NEB: variants seen among roughly 807,000 people sequenced by gnomAD.
NEB encodes the protein nemaline myopathy type 2.
NEB carries 512 observed loss-of-function variants against 952.2 expected under a neutral mutation model. That is an observed-to-expected ratio of 0.54 (90% CI 0.50 to 0.58). The LOEUF is 0.58. Ranked by LOEUF, NEB falls within the 20% of genes least tolerant of loss-of-function variation. NEB has a pLI of 0.00. For synonymous variants in NEB, 2,900 were observed against 3,149.8 expected (o/e 0.92, Z 2.66); for missense variants, 8,428 against 9,231.1 (o/e 0.91, Z 3.56).
At chr2:151,617,840 T>A (rs1255545025) in intron 74 of NEB, among the ~76,000 whole-genome samples, 2 of 151,892 alleles carry the variant, frequency 1.3e-5, no homozygotes, top group African/African-American at 4.8e-5. Context: ...GATGGGTGGA[T>A]CACCTGAGCT....
chr2:151,508,524 G>C (rs539015767), intron 161 of NEB, among the ~76,000 whole-genome samples: 1 of 152,148 alleles, frequency 6.6e-6, no homozygotes, highest in Non-Finnish European at 1.5e-5. Context: ...GGAGGGTTAA[G>C]AGTCAAAGAC....
chr2:151,690,965 C>A, intron 23 of NEB, 140 bp from the exon 24 acceptor site: 1 of 650,640 alleles, frequency 1.5e-6, no homozygotes, highest in African/African-American at 1.8e-5. Context: ...TCTCACTTCT[C>A]TGTCTGTCTC....
rs778724203 is a variant in NEB, at chr2:151,526,036, C to T, written c.22083G>A (p.Leu7361=). ...GTAGTGTTGTGTATGAGCCCTGTGC[C>T]AAGTGCTTCTTGACATGGTCCTTGT... ...NKYKDHVKKH[L]AQGSYTTLPE... The change falls in exon 150 of 182, where the codon TTG becomes TTA. Residue 7361 remains leucine, a synonymous_variant. Transcript: ENST00000397345. 3.7e-6 allele frequency: 6 copies of T among 1,613,986 alleles called. No homozygotes were observed. In the South Asian group the frequency reaches 5.5e-5, roughly 15 times the overall value.
chr2:151,696,811 G>A, intron 16 of NEB, 76 bp from the exon 17 acceptor site: 1 of 1,014,038 alleles, frequency 9.9e-7, no homozygotes. Flanking sequence ...CAAGCAAATA[G>A]AACCTCATGC....
At chr2:151,583,815 T>G in intron 100 of NEB, 49 bp from the exon 101 acceptor site, 1 of 414,976 alleles carries the variant, frequency 2.4e-6, no homozygotes, top group Non-Finnish European at 4.1e-6. Context: ...AATAATGTAT[T>G]AAGAGGGGTT....
Position 151,725,516 on chromosome 2 carries a change from G to A in NEB, c.339C>T (p.Tyr113=), listed in dbSNP as rs546510007. The part of the protein sequence containing the change: ...EKFEKTKGQP[Y]ASTTDTPELR... Reference sequence around the variant, plus strand: ...GTTCTGGAGTATCTGTTGTGCTGGCGTATGGCTGTCCTTTTGTTTTCTCAA... The same window carrying A: ...GTTCTGGAGTATCTGTTGTGCTGGCATATGGCTGTCCTTTTGTTTTCTCAA... Residue 113 remains tyrosine, a synonymous_variant, in exon 6 of 182, where the codon TAC becomes TAT. Coordinates refer to ENST00000397345, the MANE Select transcript of NEB (RefSeq NM_001164508.2). 34 of 1,613,478 alleles carry A rather than the reference G, an allele frequency of 2.1e-5. 1 individual carries two copies. Among genetic ancestry groups the A allele is most frequent in the African/African-American group, 1.5e-4 (11 of 74,942 alleles).
chr2:151,698,317 T>C (rs1229463909), intron 13 of NEB, among the ~76,000 whole-genome samples: 1 of 152,112 alleles, frequency 6.6e-6, no homozygotes, highest in Non-Finnish European at 1.5e-5. Flanking sequence ...TACAGAGTTG[T>C]GCAACTGTCA....
chr2:151,615,628 A>G (rs563277006), intron 76 of NEB, among the ~76,000 whole-genome samples: 27 of 152,318 alleles, frequency 1.8e-4, no homozygotes, highest in Non-Finnish European at 2.9e-4. Flanking sequence ...TGTTTCTCAC[A>G]TATTATTTAA....
intron 54 of NEB, among the ~76,000 whole-genome samples, chr2:151,647,040 G>A (rs936387109): frequency 6.6e-6 from 1 of 151,992 alleles, no homozygotes; most frequent in Non-Finnish European, 1.5e-5. Context: ...GGATGTCCCA[G>A]AGCCATCCTT....
chr2:151,503,483 G>A (rs745308961), intron 165 of NEB, 42 bp from the exon 166 acceptor site: 62 of 1,389,692 alleles, frequency 4.5e-5, no homozygotes, highest in Admixed American at 5.1e-5. Context: ...TAAAATGACC[G>A]TAAATCCTTT....
At chr2:151,498,100 C>T (rs1298731296) in intron 170 of NEB, 160 bp downstream of exon 170, 1 of 1,478,546 alleles carries the variant, frequency 6.8e-7, no homozygotes, top group Non-Finnish European at 9.0e-7. Context: ...AAAAAATTGA[C>T]ATTAACTGTA....
At chr2:151,569,181 C>A (rs2096541287) in intron 110 of NEB, 87 bp downstream of exon 110, 4 of 1,071,026 alleles carry the variant, frequency 3.7e-6, no homozygotes, top group African/African-American at 1.6e-5. Flanking sequence ...GTTAAGATTG[C>A]TGATATTAGA....
rs2099171936 is a variant in NEB, at chr2:151,663,718, A to G, written c.5593T>C (p.Ser1865Pro). 6.2e-7 allele frequency: 1 copy of G among 1,613,606 alleles called. No homozygotes were observed. The highest frequency in any genetic ancestry group is 1.7e-5 in the Admixed American group (1 of 59,956). ...ACCGGGGTGTGGAAGGAGGTCTTGGATTTCTCATATCCCTTCTTGTATTCC... is the reference window on the plus strand; with the variant it reads ...ACCGGGGTGTGGAAGGAGGTCTTGGGTTTCTCATATCCCTTCTTGTATTCC... Reference protein sequence around the residue: ...DREYKKGYEKSKTSFHTPVDM... With the variant: ...DREYKKGYEKPKTSFHTPVDM... Residue 1865 changes from serine to proline, a missense_variant, in exon 45 of 182, where the codon TCC (serine) becomes CCC (proline). Transcript: ENST00000397345.
Position 151,687,474 on chromosome 2 carries a change from A to G in NEB, c.2582T>C (p.Ile861Thr). 7 of 1,613,996 alleles carry G rather than the reference A, an allele frequency of 4.3e-6. No homozygotes were observed. The highest frequency in any genetic ancestry group is 5.1e-6 in the Non-Finnish European group (6 of 1,179,868). ...GTGCAGCATCTTTGGATCGTCATTAATGCTGAGGGCTCCAATCATTTTCCC... is the reference window on the plus strand; with the variant it reads ...GTGCAGCATCTTTGGATCGTCATTAGTGCTGAGGGCTCCAATCATTTTCCC... ...SKGKMIGALSINDDPKMLHSL... is the reference protein window; with the variant it reads ...SKGKMIGALSTNDDPKMLHSL... The change falls in exon 27 of 182, where the codon ATT (isoleucine) becomes ACT (threonine). Residue 861 changes from isoleucine (I) to threonine (T), a missense_variant. Transcript: ENST00000397345.
At chr2:151,515,219 G>A (rs10182296) in intron 157 of NEB, among the ~76,000 whole-genome samples, 92,971 of 152,032 alleles carry the variant, frequency 0.61, 28,829 homozygotes, top group East Asian at 0.77. Flanking sequence ...TGCACCATCA[G>A]GACTCTGAAT....
At chr2:151,513,241 T>A (rs569807131) in intron 160 of NEB, among the ~76,000 whole-genome samples, 2 of 152,160 alleles carry the variant, frequency 1.3e-5, no homozygotes, top group African/African-American at 4.8e-5. Context: ...TCCCAAGATA[T>A]TCTAAGCAAG....
At position 151,646,113 on chromosome 2, in the gene NEB, T is replaced by C; in HGVS notation, c.7536+17A>G. 1 of 1,533,152 alleles carries C rather than the reference T, an allele frequency of 6.5e-7. No homozygotes were observed. Among genetic ancestry groups the C allele is most frequent in the Non-Finnish European group, 8.9e-7 (1 of 1,126,928 alleles). 95.0% of individuals were successfully genotyped at this position (1,533,152 alleles called of 1,614,324 possible). A position where few individuals can be genotyped will look rare whatever the true frequency, so the allele number is the denominator to read the frequency against. On this transcript the variant is annotated intron_variant, in intron 55 of 181. Transcript: ENST00000397345. ...AAATGAGCTTTCTGAAAACACATGC[T>C]GAATTTGAAAACTTACATCACTTGT...
chr2:151,490,865 C>T (rs1454706468), intron 179 of NEB, among the ~76,000 whole-genome samples: 1 of 152,152 alleles, frequency 6.6e-6, no homozygotes, highest in African/African-American at 2.4e-5. Flanking sequence ...TTAACTTCTC[C>T]AGAAAGTCCT....
rs1384813528 is a variant in NEB at position 151,540,748 on chromosome 2, G to A, written c.20736C>T (p.Asn6912=). 1.2e-6 allele frequency: 2 copies of A among 1,613,524 alleles called. No individual in the cohort carries two copies. Among genetic ancestry groups the A allele is most frequent in the African/African-American group, 2.7e-5 (2 of 74,878 alleles). ...TKERPHHHAG[N]QTTALKHAKD... Reference sequence around the variant, plus strand: ...TAGCATGCTTCAAGGCTGTGGTCTGGTTTCCAGCGTGATGATGGGGTCTCT... The same window carrying A: ...TAGCATGCTTCAAGGCTGTGGTCTGATTTCCAGCGTGATGATGGGGTCTCT... Residue 6912 remains asparagine, a synonymous_variant, in exon 137 of 182, where the codon AAC becomes AAT. Transcript: ENST00000397345.
Sources: gnomAD v4.1 joint callset for allele counts (sites outside exome capture counted in the v4.1 genomes callset) on GRCh38, gnomAD v4.1.1 for gene constraint, MANE v1.5 for transcripts, NCBI Gene and HGNC (gene_info 2026-07-23, HGNC 2026-07-21) for gene names.